Variants in PLEKHG3 observed in about 807,000 individuals in gnomAD.
PLEKHG3 encodes the protein pleckstrin homology domain-containing family G member 3.
Under a neutral mutation model 94.9 loss-of-function variants are expected in PLEKHG3, and 62 were observed. The ratio of observed to expected loss-of-function variants is 0.65; its 90% confidence interval spans 0.53 to 0.81. PLEKHG3 has a LOEUF of 0.81. Among genes scored for constraint, PLEKHG3 ranks in the 30% least tolerant of loss-of-function variants. The pLI is 0.00. For missense variants in PLEKHG3, 1,461 were observed against 1,619.3 expected, an observed-to-expected ratio of 0.90 and a Z score of 1.68; for synonymous variants, 614 against 654.0, an observed-to-expected ratio of 0.94 and a Z score of 0.93.
Position 64,731,554 on chromosome 14 carries a change from C to T in PLEKHG3, c.1032+11C>T, listed in dbSNP as rs372637690. Reference sequence around the variant, plus strand: ...AAGGGCAACATCCCGGTAACCAGGCCCTGCCCCATCTCCTCTGCCATCTTC... The same window carrying T: ...AAGGGCAACATCCCGGTAACCAGGCTCTGCCCCATCTCCTCTGCCATCTTC... On this transcript the variant is annotated intron_variant, in intron 8 of 16. Coordinates refer to ENST00000247226, the MANE Select transcript of PLEKHG3 (RefSeq NM_001308147.2). This position sits in a 1 kb window ranked among gnomAD's most constrained non-coding sequence, Gnocchi z 6.1. 1.9e-6 allele frequency: 3 copies of T among 1,612,526 alleles called. No individual in the cohort carries two copies. The highest frequency in any genetic ancestry group is 2.5e-6 in the Non-Finnish European group (3 of 1,178,678).
intron 1 of PLEKHG3, among the ~76,000 whole-genome samples, chr14:64,711,345 G>A (rs183974702): frequency 2.0e-5 from 3 of 152,234 alleles, no homozygotes; most frequent in Admixed American, 6.5e-5. Context: ...ATCTTAATTC[G>A]GCTCCACCCA....
Position 64,715,890 on chromosome 14 carries a change from C to T in PLEKHG3, c.-40+11186C>T, listed in dbSNP as rs1231072858. On this transcript the variant is annotated intron_variant, in intron 1 of 16. Transcript: ENST00000247226. This position sits in a 1 kb window ranked among gnomAD's most constrained non-coding sequence, Gnocchi z 4.4. ...AGAAATGCAGAAAGTATGACCCACACGCAGAACTGGTTCTGAATAGAACAT... is the reference window on the plus strand; with the variant it reads ...AGAAATGCAGAAAGTATGACCCACATGCAGAACTGGTTCTGAATAGAACAT... 5.4e-6 allele frequency: 2 copies of T among 367,408 alleles called. No individual in the cohort carries two copies. Among genetic ancestry groups the T allele is most frequent in the South Asian group, 1.9e-5 (1 of 51,702 alleles). 22.8% of individuals were successfully genotyped at this position (367,408 alleles called of 1,614,324 possible). A position where few individuals can be genotyped will look rare whatever the true frequency, so the allele number is the denominator to read the frequency against.
In PLEKHG3 at chr14:64,717,228, G is replaced by A. The variant is rs1235771510; in HGVS notation, c.-39-10365G>A. Among the ~76,000 whole-genome samples, 5 of 152,184 alleles carry A rather than the reference G, an allele frequency of 3.3e-5. No homozygotes were observed. Among genetic ancestry groups the A allele is most frequent in the African/African-American group, 1.2e-4 (5 of 41,524 alleles). The stretch of plus-strand genomic sequence containing the variant: ...CACCAAGCCCAAGGTCAGAGCCCAG[G>A]GCAAAGAAAGGGGATGTGTTGGAGC... On this transcript the variant is annotated intron_variant, in intron 1 of 16. Coordinates refer to ENST00000247226, the MANE Select transcript of PLEKHG3 (RefSeq NM_001308147.2). This position sits in a 1 kb window ranked among gnomAD's most constrained non-coding sequence, Gnocchi z 4.7.
rs1475888442 is a variant in PLEKHG3 at position 64,723,047 on chromosome 14, G to T, written c.-39-4546G>T. On this transcript the variant is annotated intron_variant, in intron 1 of 16. Coordinates refer to ENST00000247226, the MANE Select transcript of PLEKHG3 (RefSeq NM_001308147.2). The surrounding 1 kb of genome is among the most constrained non-coding windows in gnomAD (Gnocchi z 4.5). ...GCTGAGGCGTAGTGGGGAGGGGAAG[G>T]ATGTGGCCCCAGTCTGCTGTGCTCG... Among the ~76,000 whole-genome samples, 2 of 152,184 alleles carry T rather than the reference G, an allele frequency of 1.3e-5. No homozygotes were observed. The highest frequency in any genetic ancestry group is 4.8e-5 in the African/African-American group (2 of 41,450).
At position 64,742,076 on chromosome 14, in the gene PLEKHG3, G is replaced by T; in HGVS notation, c.2559G>T (p.Glu853Asp). The T allele has an allele frequency of 1.2e-6, 2 of 1,608,944 alleles. No homozygotes were observed. Among genetic ancestry groups the T allele is most frequent in the African/African-American group, 1.3e-5 (1 of 75,012 alleles). ...CACTCTTCATCCTGGAGGAGCATGA[G>T]CTGGGAGCCATCACAGAGGAGTCGG... is the stretch of plus-strand genomic sequence containing the variant. The part of the protein sequence containing the change: ...HEPLFILEEH[E>D]LGAITEESAT... The change falls in exon 16 of 17, where the codon GAG becomes GAT. Residue 853 changes from glutamate to aspartate, a missense_variant. This residue lies in a region of PLEKHG3 where 1,201 missense variants were observed against 1,295.5 expected (regional missense o/e 0.93). Coordinates refer to ENST00000247226, the MANE Select transcript of PLEKHG3 (RefSeq NM_001308147.2).
chr14:64,729,653 G>A (rs573830467), intron 3 of PLEKHG3, among the ~76,000 whole-genome samples: 6 of 152,270 alleles, frequency 3.9e-5, no homozygotes, highest in South Asian at 2.1e-4. Flanking sequence ...AGGGAACAGC[G>A]GTGCTAGGAC....
At position 64,727,508 on chromosome 14, in the gene PLEKHG3, C is replaced by CT; in HGVS notation, c.-39-84dup. On this transcript the variant is annotated intron_variant, in intron 1 of 16. Transcript: ENST00000247226. This position sits in a 1 kb window ranked among gnomAD's most constrained non-coding sequence, Gnocchi z 6.0. ...ACTAAATAATACCTTCCCACCCCAC[C>CT]TGCCCCCACCCCTGGCAACCGTCCC... The CT allele has an allele frequency of 2.8e-5, 13 of 464,644 alleles. No homozygotes were observed. Among genetic ancestry groups the CT allele is most frequent in the Non-Finnish European group, 4.1e-5 (10 of 244,256 alleles). 28.8% of individuals were successfully genotyped at this position (464,644 alleles called of 1,614,324 possible). A position where few individuals can be genotyped will look rare whatever the true frequency, so the allele number is the denominator to read the frequency against.
Position 64,730,070 on chromosome 14 carries a change from A to G in PLEKHG3, c.450-173A>G, listed in dbSNP as rs2081429766. On this transcript the variant is annotated intron_variant, in intron 3 of 16. Coordinates refer to ENST00000247226, the MANE Select transcript of PLEKHG3 (RefSeq NM_001308147.2). This position sits in a 1 kb window ranked among gnomAD's most constrained non-coding sequence, Gnocchi z 5.4. ...GCTTTGTGGCTGCTTTGTGTTGGAT[A>G]CTTTCTGTGGTTGCTGCCTGGGGCA... Among the ~76,000 whole-genome samples, 2 of 151,900 alleles carry G rather than the reference A, an allele frequency of 1.3e-5. No homozygotes were observed. Among genetic ancestry groups the G allele is most frequent in the South Asian group, 4.2e-4 (2 of 4,804 alleles).
chr14:64,706,051 C>G (rs1423012330), intron 1 of PLEKHG3, among the ~76,000 whole-genome samples: 1 of 152,200 alleles, frequency 6.6e-6, no homozygotes, highest in Non-Finnish European at 1.5e-5. Context: ...AGGCCAAGTC[C>G]TAGCTGCTGA....
At chr14:64,729,875 G>T (rs1337355406) in intron 3 of PLEKHG3, among the ~76,000 whole-genome samples, 1 of 152,170 alleles carries the variant, frequency 6.6e-6, no homozygotes, top group Non-Finnish European at 1.5e-5. Flanking sequence ...CATCCTGGGC[G>T]CCCTGGCTCC....
At chr14:64,733,661 G>A (rs567581527) in intron 12 of PLEKHG3, among the ~76,000 whole-genome samples, 1 of 152,326 alleles carries the variant, frequency 6.6e-6, no homozygotes, top group Admixed American at 6.5e-5. Context: ...AACGAGTTCA[G>A]TGGCACCAAA....
At position 64,743,908 on chromosome 14, in the gene PLEKHG3, A is replaced by T; in HGVS notation, c.*205A>T. On this transcript the variant is annotated 3_prime_UTR_variant, in exon 17 of 17. Coordinates refer to ENST00000247226, the MANE Select transcript of PLEKHG3 (RefSeq NM_001308147.2). This position sits in a 1 kb window ranked among gnomAD's most constrained non-coding sequence, Gnocchi z 7.2. ...CCACTGGGGCTCGAGACAATTTCCC[A>T]CTCACCTGTGAGGCCGGTGTGGCTG... The T allele has an allele frequency of 2.0e-6, 1 of 506,016 alleles. No individual in the cohort carries two copies. Among genetic ancestry groups the T allele is most frequent in the Non-Finnish European group, 3.4e-6 (1 of 294,388 alleles). The allele number at this position is 506,016 out of a possible 1,614,324, so 31.3% of individuals were successfully genotyped here.
chr14:64,714,594 G>A (rs890097741), intron 1 of PLEKHG3, among the ~76,000 whole-genome samples: 2 of 152,208 alleles, frequency 1.3e-5, no homozygotes, highest in African/African-American at 2.4e-5. Flanking sequence ...TCCCTAGCAC[G>A]TGGCACATGG....
Position 64,743,026 on chromosome 14 carries a change from A to G in PLEKHG3, c.2983A>G (p.Met995Val). 2 of 1,613,208 alleles carry G rather than the reference A, an allele frequency of 1.2e-6. No homozygotes were observed. The highest frequency in any genetic ancestry group is 1.1e-5 in the South Asian group (1 of 91,078). The change falls in exon 17 of 17, where the codon ATG becomes GTG. Residue 995 changes from methionine (M) to valine (V), a missense_variant. By Grantham distance (21) the Met-to-Val change is conservative. This residue lies in a region of PLEKHG3 where 1,201 missense variants were observed against 1,295.5 expected (regional missense o/e 0.93). Transcript: ENST00000247226. The surrounding 1 kb of genome is among the most constrained non-coding windows in gnomAD (Gnocchi z 7.2). Reference protein sequence around the residue: ...VLSLFDYEQLMAQEHSPPKPS... With the variant: ...VLSLFDYEQLVAQEHSPPKPS... ...GTCTCTATTTGACTATGAGCAGCTG[A>G]TGGCCCAGGAGCACAGCCCTCCCAA...
At position 64,722,493 on chromosome 14, in the gene PLEKHG3, T is replaced by C. The variant is rs2081279061; in HGVS notation, c.-39-5100T>C. On this transcript the variant is annotated intron_variant, in intron 1 of 16. Transcript: ENST00000247226. The surrounding 1 kb of genome is among the most constrained non-coding windows in gnomAD (Gnocchi z 4.3). ...CCTCGGCCTCCCAAAGTGCTGGGAT[T>C]ACAGGCGTGAGCCACTGCGCCTGGC... 6.6e-6 allele frequency among the ~76,000 whole-genome samples: 1 copy of C among 152,180 alleles called. No individual in the cohort carries two copies. Among genetic ancestry groups the C allele is most frequent in the African/African-American group, 2.4e-5 (1 of 41,440 alleles).
rs537345742 is a variant in PLEKHG3 at position 64,732,006 on chromosome 14, T to C, written c.1126-89T>C. The C allele has an allele frequency of 9.5e-7, 1 of 1,050,932 alleles. No homozygotes were observed. The highest frequency in any genetic ancestry group is 1.3e-5 in the South Asian group (1 of 77,902). The allele number at this position is 1,050,932 out of a possible 1,614,324, so 65.1% of individuals were successfully genotyped here. ...CAGAGGCCCCAGCATGGCCCCACTT[T>C]TTCTCCCTGGGTGGAAGCACTGTCC... is the stretch of plus-strand genomic sequence containing the variant. On this transcript the variant is annotated intron_variant, in intron 9 of 16. Coordinates refer to ENST00000247226, the MANE Select transcript of PLEKHG3 (RefSeq NM_001308147.2). The surrounding 1 kb of genome is among the most constrained non-coding windows in gnomAD (Gnocchi z 4.9).
intron 1 of PLEKHG3, among the ~76,000 whole-genome samples, chr14:64,714,034 A>C (rs2081100243): frequency 6.6e-6 from 1 of 152,142 alleles, no homozygotes; most frequent in Admixed American, 6.5e-5. Flanking sequence ...TTATATTTCC[A>C]ATCATTTAAA....
Position 64,728,485 on chromosome 14 carries a change from A to G in PLEKHG3, c.351+503A>G, listed in dbSNP as rs2081395553. Among the ~76,000 whole-genome samples the G allele has an allele frequency of 6.6e-6, 1 of 152,220 alleles. No homozygotes were observed. The highest frequency in any genetic ancestry group is 2.4e-5 in the African/African-American group (1 of 41,458). On this transcript the variant is annotated intron_variant, in intron 2 of 16. Transcript: ENST00000247226. The surrounding 1 kb of genome is among the most constrained non-coding windows in gnomAD (Gnocchi z 5.9). ...GGGCTGCCTTAACAAATGACCACAC[A>G]CTGGGTGGCTTAAAACAGCAAATGT... is the stretch of plus-strand genomic sequence containing the variant.
chr14:64,738,786 G>T lies in PLEKHG3; in HGVS notation c.1449G>T (p.Arg483Ser), dbSNP rs759186678. 4 of 1,600,266 alleles carry T rather than the reference G, an allele frequency of 2.5e-6. No homozygotes were observed. The highest frequency in any genetic ancestry group is 3.4e-6 in the Non-Finnish European group (4 of 1,173,110). ...CTGAAAGCTCCAGGAGCAGCAGAAG[G>T]CCCAGTGGCCGGTCTCCAACCAGTA... is the stretch of plus-strand genomic sequence containing the variant. Reference protein sequence around the residue: ...RESESSRSSRRPSGRSPTSTE... With the variant: ...RESESSRSSRSPSGRSPTSTE... Residue 483 changes from arginine to serine, a missense_variant, in exon 15 of 17, where the codon AGG becomes AGT. Arg to Ser is a moderately radical substitution (Grantham distance 110). Transcript: ENST00000247226. This position sits in a 1 kb window ranked among gnomAD's most constrained non-coding sequence, Gnocchi z 4.8.
Sources: allele counts gnomAD v4.1 joint callset (sites outside exome capture counted in the v4.1 genomes callset), GRCh38; gene constraint gnomAD v4.1.1; regional missense constraint gnomAD v4.1.1; non-coding constraint Gnocchi (gnomAD v3.1); transcripts MANE v1.5; gene names NCBI Gene and HGNC (gene_info 2026-07-23, HGNC 2026-07-21).